The following DPP3 variants were observed in gnomAD, a reference collection of about 807,000 sequenced individuals.
DPP3 encodes the protein dipeptidyl peptidase 3.
DPP3 carries 64 observed loss-of-function variants against 89.8 expected under a neutral mutation model. That is an observed-to-expected ratio of 0.71 (90% CI 0.58 to 0.88). DPP3 has a LOEUF of 0.88. DPP3 is among the 40% of genes least tolerant of loss of function. DPP3 has a pLI of 0.00. For synonymous variants in DPP3, 377 were observed against 404.3 expected, an observed-to-expected ratio of 0.93 and a Z score of 0.81; for missense variants, 835 against 972.5, an observed-to-expected ratio of 0.86 and a Z score of 1.88.
intron 4 of DPP3, among the ~76,000 whole-genome samples, chr11:66,486,888 G>A (rs1436125210): frequency 6.6e-6 from 1 of 152,176 alleles, no homozygotes; most frequent in Non-Finnish European, 1.5e-5. Context: ...TCCCAGATCT[G>A]ACATTCTGTA....
chr11:66,491,465 C>T (rs201668190), intron 7 of DPP3, 29 bp from the exon 8 acceptor site: 8 of 1,595,506 alleles, frequency 5.0e-6, no homozygotes, highest in South Asian at 3.3e-5. Context: ...GTGGGTGGCC[C>T]GAGGCTGACC....
chr11:66,505,615 G>A (rs1250875908), intron 17 of DPP3, among the ~76,000 whole-genome samples: 3 of 152,112 alleles, frequency 2.0e-5, no homozygotes, highest in Non-Finnish European at 4.4e-5. Context: ...CATTTTACAG[G>A]TAAGGAAACT....
intron 1 of DPP3, chr11:66,480,960 A>C (rs2511225): frequency 0.37 from 57,634 of 153,830 alleles, 11,618 homozygotes; most frequent in African/African-American, 0.51. Flanking sequence ...AGTTTCAAGC[A>C]AAATCATTTA....
chr11:66,490,357 A>G (rs1855345669), intron 6 of DPP3, among the ~76,000 whole-genome samples: 1 of 152,212 alleles, frequency 6.6e-6, no homozygotes, highest in Non-Finnish European at 1.5e-5. Context: ...ATTCTATTAC[A>G]GTTGTGGAGG....
intron 12 of DPP3, 119 bp downstream of exon 12, chr11:66,493,752 G>A (rs2134734503): frequency 1.9e-6 from 2 of 1,072,056 alleles, no homozygotes; most frequent in Middle Eastern, 2.1e-4. Flanking sequence ...GTTGAGTGGG[G>A]AAAATGGCCC....
At position 66,481,938 on chromosome 11, in the gene DPP3, A is replaced by G. The variant is rs540252755; in HGVS notation, c.-8-255A>G. 5.3e-5 allele frequency: 28 copies of G among 527,618 alleles called. No homozygotes were observed. In the East Asian group the frequency reaches 9.0e-4, roughly 17 times the overall value. 32.7% of individuals were successfully genotyped at this position (527,618 alleles called of 1,614,324 possible). On this transcript the variant is annotated intron_variant, in intron 1 of 17. Transcript: ENST00000531863. ...GCTGGGATTACAGGTGTGAGCCACC[A>G]TGCCTGACCTTAGAGTCAATCTTTA... is the stretch of plus-strand genomic sequence containing the variant.
rs775414358 is a variant in DPP3, at chr11:66,497,259, A to G, written c.1699-39A>G. On this transcript the variant is annotated intron_variant, in intron 15 of 17. Coordinates refer to ENST00000531863, the MANE Select transcript of DPP3 (RefSeq NM_130443.4). ...GACCAAGCCTAGGACCAAGCACTTG[A>G]TACGGGCTACAAATGCTGTCTTTCC... 1.0e-5 allele frequency: 16 copies of G among 1,597,432 alleles called. No individual in the cohort carries two copies. The East Asian group carries it at 3.4e-4, about 33-fold the overall frequency.
intron 17 of DPP3, among the ~76,000 whole-genome samples, chr11:66,507,864 A>G (rs1855842945): frequency 6.6e-6 from 1 of 151,918 alleles, no homozygotes; most frequent in Non-Finnish European, 1.5e-5. Flanking sequence ...TTTAGTAGAG[A>G]TGGGGTTTCA....
chr11:66,493,660 A>G (rs199655516), intron 12 of DPP3, 27 bp downstream of exon 12: 6 of 1,578,992 alleles, frequency 3.8e-6, no homozygotes, highest in Non-Finnish European at 5.2e-6. Flanking sequence ...CAGCCCTGGC[A>G]CCCCAGCCTA....
At chr11:66,488,794 G>C (rs1855302740) in intron 6 of DPP3, among the ~76,000 whole-genome samples, 1 of 152,156 alleles carries the variant, frequency 6.6e-6, no homozygotes, top group Non-Finnish European at 1.5e-5. Context: ...CTCCCACTCA[G>C]ACTCTGTGCT....
intron 16 of DPP3, among the ~76,000 whole-genome samples, chr11:66,503,564 A>C (rs190339558): frequency 1.3e-5 from 2 of 152,274 alleles, no homozygotes; most frequent in Admixed American, 1.3e-4. Flanking sequence ...GTAACACACC[A>C]AAAATACCAG....
rs201245471 is a variant in DPP3, at chr11:66,493,582, G to T, written c.1338G>T (p.Gln446His). The change falls in exon 12 of 18, where the codon CAG becomes CAT. Residue 446 changes from glutamine to histidine, a missense_variant. Physicochemically the swap from Gln to His is conservative, Grantham distance 24 (BLOSUM62 0). Transcript: ENST00000531863. The part of the protein sequence containing the change: ...ILWKGPSFDV[Q>H]VGLHELLGHG... ...GGAAGGGGCCCTCCTTCGATGTGCA[G>T]GTGGGCCTGCACGAGCTGCTGGGCC... is the stretch of plus-strand genomic sequence containing the variant. The T allele has an allele frequency of 5.0e-6, 8 of 1,613,112 alleles. No homozygotes were observed. The African/African-American group carries it at 9.3e-5, about 19-fold the overall frequency.
rs746101640 is a variant in DPP3, at chr11:66,491,476, G to C, written c.799-18G>C. 6.3e-6 allele frequency: 10 copies of C among 1,597,134 alleles called. No individual in the cohort carries two copies. The highest frequency in any genetic ancestry group is 3.3e-5 in the South Asian group (3 of 89,968). ...GTGGGTGGGTGGCCCGAGGCTGACC[G>C]ACCCCCGCTCACCTCAGGCCTATGC... On this transcript the variant is annotated intron_variant, in intron 7 of 17. Transcript: ENST00000531863.
intron 4 of DPP3, among the ~76,000 whole-genome samples, 188 bp downstream of exon 4, chr11:66,486,865 T>C (rs994454588): frequency 5.9e-5 from 9 of 152,124 alleles, no homozygotes; most frequent in Non-Finnish European, 1.3e-4. Flanking sequence ...GGTCGAATGC[T>C]TTCTGAATGC....
chr11:66,497,266 C>G (rs1376465335), intron 15 of DPP3, 32 bp from the exon 16 acceptor site: 5 of 1,603,632 alleles, frequency 3.1e-6, no homozygotes, highest in Non-Finnish European at 2.6e-6. Context: ...TTGATACGGG[C>G]TACAAATGCT....
At chr11:66,485,998 GT>G (rs1166224750) in intron 3 of DPP3, among the ~76,000 whole-genome samples, 4 of 151,860 alleles carry the variant, frequency 2.6e-5, no homozygotes, top group African/African-American at 9.7e-5. Context: ...CTGGAGGGTA[GT>G]GGCACGGACA....
intron 12 of DPP3, 105 bp from the exon 13 acceptor site, chr11:66,495,101 G>A (rs368538037): frequency 5.0e-5 from 77 of 1,545,256 alleles, no homozygotes; most frequent in East Asian, 2.2e-4. Context: ...CCGCTCCTGC[G>A]CTCCCGCTTG....
intron 2 of DPP3, among the ~76,000 whole-genome samples, chr11:66,484,637 C>A (rs1015915549): frequency 6.6e-6 from 1 of 152,072 alleles, no homozygotes; most frequent in Non-Finnish European, 1.5e-5. Context: ...ACATGCCCAC[C>A]CCTGGAGCTG....
intron 17 of DPP3, among the ~76,000 whole-genome samples, chr11:66,505,491 C>T (rs1472695201): frequency 1.3e-5 from 2 of 152,164 alleles, no homozygotes; most frequent in Non-Finnish European, 2.9e-5. Context: ...GTGTGGACTG[C>T]TTGCTGATGT....
Sources: allele counts gnomAD v4.1 joint callset (sites outside exome capture counted in the v4.1 genomes callset), GRCh38; gene constraint gnomAD v4.1.1; transcripts MANE v1.5; gene names NCBI Gene and HGNC (gene_info 2026-07-23, HGNC 2026-07-21).